SNX29: variants seen among roughly 807,000 people sequenced by gnomAD.
The protein encoded by SNX29 is sorting nexin 29.
A neutral mutation model predicts 102.1 loss-of-function variants in SNX29; 78 were observed. The observed-to-expected ratio is 0.76, with a 90% CI of 0.64 to 0.92. The LOEUF (loss-of-function observed/expected upper bound fraction) is 0.92, where lower values mean the gene tolerates loss of function less well. Ranked by LOEUF, SNX29 falls within the 40% of genes least tolerant of loss-of-function variation. The probability of loss-of-function intolerance (pLI) is 0.00; values close to 1 mark genes in which losing one functional copy is unlikely to be tolerated. For missense variants in SNX29, 1,280 were observed against 1,061.7 expected, an observed-to-expected ratio of 1.21 and a Z score of -2.86; for synonymous variants, 580 against 414.5, an observed-to-expected ratio of 1.40 and a Z score of -4.85.
At chr16:12,080,483 T>C (rs927364921) in intron 11 of SNX29, among the ~76,000 whole-genome samples, 2 of 152,212 alleles carry the variant, frequency 1.3e-5, no homozygotes, top group Non-Finnish European at 2.9e-5. Context: ...TTTTCACCTG[T>C]CAATCTTTTG....
At chr16:12,027,769 T>G (rs1450165594) in intron 4 of SNX29, 2 of 191,486 alleles carry the variant, frequency 1.0e-5, no homozygotes, top group African/African-American at 4.7e-5. Context: ...TTTAATTTGA[T>G]GCCTGAGGAT....
intron 20 of SNX29, among the ~76,000 whole-genome samples, chr16:12,566,432 C>A (rs932788770): frequency 2.0e-5 from 3 of 152,302 alleles, no homozygotes; most frequent in East Asian, 3.9e-4. Flanking sequence ...GGCCTCTCCC[C>A]CCAAGCTCTG....
At chr16:11,983,853 A>C in intron 1 of SNX29, 1 of 299,748 alleles carries the variant, frequency 3.3e-6, no homozygotes, top group Non-Finnish European at 4.9e-6. Flanking sequence ...GTCTATACAT[A>C]GGCCGTATAT....
At chr16:12,536,994 A>G (rs1317607624) in intron 20 of SNX29, among the ~76,000 whole-genome samples, 1 of 117,286 alleles carries the variant, frequency 8.5e-6, no homozygotes. Context: ...AAATAAAATA[A>G]AAAGAGTTGT....
chr16:12,165,720 T>A (rs1045093011), intron 13 of SNX29, among the ~76,000 whole-genome samples: 2 of 152,214 alleles, frequency 1.3e-5, no homozygotes, highest in Non-Finnish European at 2.9e-5. Context: ...GCCGCCACCA[T>A]GCCTGGCAAA....
chr16:12,270,033 G>T (rs1286988705), intron 14 of SNX29, among the ~76,000 whole-genome samples: 1 of 151,962 alleles, frequency 6.6e-6, no homozygotes, highest in African/African-American at 2.4e-5. Flanking sequence ...GCTAATTTTT[G>T]TATTTTAAGT....
intron 18 of SNX29, among the ~76,000 whole-genome samples, chr16:12,468,743 G>A (rs1054018481): frequency 5.9e-5 from 9 of 152,232 alleles, no homozygotes; most frequent in Non-Finnish European, 1.3e-4. Flanking sequence ...GGTGACTGAG[G>A]AGGGAACACG....
At chr16:12,461,788 C>G (rs1010647376) in intron 18 of SNX29, among the ~76,000 whole-genome samples, 1 of 150,296 alleles carries the variant, frequency 6.7e-6, no homozygotes, top group East Asian at 2.0e-4. Context: ...GAAACCCTGT[C>G]TCTACTAAAA....
At chr16:12,119,155 GA>G (rs1384161075) in intron 11 of SNX29, among the ~76,000 whole-genome samples, 16 of 152,280 alleles carry the variant, frequency 1.1e-4, no homozygotes, top group African/African-American at 3.6e-4. Flanking sequence ...AACAACTCAG[GA>G]CTGGTGGCAG....
chr16:12,566,948 C>G (rs759352441), intron 20 of SNX29, among the ~76,000 whole-genome samples: 5 of 152,248 alleles, frequency 3.3e-5, no homozygotes, highest in South Asian at 2.1e-4. Flanking sequence ...GGGTGTCAAA[C>G]TTGAAACGAG....
chr16:12,027,614 C>T (rs2057230378), intron 4 of SNX29, 170 bp downstream of exon 4: 5 of 709,090 alleles, frequency 7.1e-6, no homozygotes, highest in Non-Finnish European at 1.1e-5. Context: ...ATGGTGTTGT[C>T]TGGCATCTTA....
chr16:12,497,027 A>T (rs2088861991), intron 19 of SNX29, among the ~76,000 whole-genome samples: 1 of 152,296 alleles, frequency 6.6e-6, no homozygotes, highest in South Asian at 2.1e-4. Flanking sequence ...GGTGAAGCCC[A>T]AGTGAACAGG....
chr16:12,539,369 C>G (rs963579057), intron 20 of SNX29, among the ~76,000 whole-genome samples: 2 of 152,050 alleles, frequency 1.3e-5, no homozygotes, highest in African/African-American at 2.4e-5. Flanking sequence ...TAAGCAACCT[C>G]TTGAGGCTGG....
intron 20 of SNX29, among the ~76,000 whole-genome samples, chr16:12,559,703 C>T (rs1225063086): frequency 1.3e-5 from 2 of 152,154 alleles, no homozygotes; most frequent in East Asian, 1.9e-4. Context: ...AGCTTCCCAT[C>T]TCCCATGGTG....
chr16:12,233,935 G>A (rs952559264), intron 14 of SNX29, among the ~76,000 whole-genome samples: 10 of 152,104 alleles, frequency 6.6e-5, no homozygotes, highest in African/African-American at 2.4e-4. Flanking sequence ...GTATCAGGAT[G>A]GCATTCTCTT....
chr16:12,376,647 G>T (rs138658546), intron 16 of SNX29, among the ~76,000 whole-genome samples: 1 of 139,610 alleles, frequency 7.2e-6, no homozygotes, highest in Non-Finnish European at 1.5e-5. Context: ...GAGGCAGGGA[G>T]AATTGCTTGA....
chr16:12,110,197 T>C (rs1414609531), intron 11 of SNX29, among the ~76,000 whole-genome samples: 1 of 151,962 alleles, frequency 6.6e-6, no homozygotes, highest in African/African-American at 2.4e-5. Flanking sequence ...CTCAGATGAC[T>C]CTCTTCCTGC....
At chr16:12,226,752 T>C (rs1463355873) in intron 14 of SNX29, among the ~76,000 whole-genome samples, 1 of 152,116 alleles carries the variant, frequency 6.6e-6, no homozygotes, top group Non-Finnish European at 1.5e-5. Flanking sequence ...TTTTTGTGTG[T>C]ATTTTTAGTA....
At chr16:12,438,241 C>T (rs113410363) in intron 18 of SNX29, among the ~76,000 whole-genome samples, 5 of 152,294 alleles carry the variant, frequency 3.3e-5, no homozygotes, top group African/African-American at 1.2e-4. Context: ...GCCAGGCAGG[C>T]AGTTCACTGC....
Sources: allele counts gnomAD v4.1 joint callset (sites outside exome capture counted in the v4.1 genomes callset), GRCh38; gene constraint gnomAD v4.1.1; transcripts MANE v1.5; gene names NCBI Gene and HGNC (gene_info 2026-07-23, HGNC 2026-07-21).